Variants in IL15RA observed in about 807,000 individuals in gnomAD.
IL15RA encodes the protein interleukin 15 receptor subunit alpha, also known as interleukin-15 receptor subunit alpha.
Under a neutral mutation model 24.2 loss-of-function variants are expected in IL15RA, and 26 were observed. That is an observed-to-expected ratio of 1.07 (90% CI 0.79 to 1.49). The LOEUF (loss-of-function observed/expected upper bound fraction) is 1.49, where lower values mean the gene tolerates loss of function less well. Ranked by LOEUF, IL15RA falls within the 40% of genes most tolerant of loss-of-function variation. The probability of loss-of-function intolerance (pLI) is 0.00; values close to 1 mark genes in which losing one functional copy is unlikely to be tolerated. For missense variants in IL15RA, 354 were observed against 356.4 expected (o/e 0.99, Z 0.05); for synonymous variants, 166 against 157.6 (o/e 1.05, Z -0.40).
Position 5,971,434 on chromosome 10 carries a change from C to G in IL15RA, c.89-5095G>C, listed in dbSNP as rs1837584430. Among the ~76,000 whole-genome samples, 1 of 152,228 alleles carries G rather than the reference C, an allele frequency of 6.6e-6. No individual in the cohort carries two copies. On this transcript the variant is annotated intron_variant, in intron 1 of 6. Transcript: ENST00000379977. The surrounding 1 kb of genome is among the most constrained non-coding windows in gnomAD (Gnocchi z 5.5). ...CTGTGAATCACACTTCCTTATCTATCAGGTTGGTTTACAGAGTCTAATAAG... is the reference window on the plus strand; with the variant it reads ...CTGTGAATCACACTTCCTTATCTATGAGGTTGGTTTACAGAGTCTAATAAG...
At position 5,952,659 on chromosome 10, in the gene IL15RA, ACGTCTC is replaced by A. The variant is rs1564479804; in HGVS notation, c.*430_*435del. The A allele has an allele frequency of 1.7e-3, 323 of 192,652 alleles. 1 individual carries two copies. The highest frequency in any genetic ancestry group is 7.2e-3 in the African/African-American group (304 of 42,242). 11.9% of individuals were successfully genotyped at this position (192,652 alleles called of 1,614,324 possible). On this transcript the variant is annotated 3_prime_UTR_variant, in exon 7 of 7. Transcript: ENST00000379977. ...CCAAACGCTGGTGTCTTCCCTGTAG[ACGTCTC>A]CCACGCCAGGAGAAGCCTTGTAATT...
At chr10:5,951,988 G>T (rs1350467698), downstream of IL15RA, among the ~76,000 whole-genome samples, 4 of 152,124 alleles carry the variant, frequency 2.6e-5, no homozygotes, top group African/African-American at 9.7e-5. Flanking sequence ...TCCAGCTCTG[G>T]CATTAACCAA....
chr10:5,963,810 C>T lies in IL15RA; in HGVS notation c.315G>A (p.Ala105=), dbSNP rs780860831. Reference sequence around the variant, plus strand: ...CTGCCGTCGTTACTGTGGAGGGTGGCGCTGGCCTTTGGTGAACCAGGGCAG... The same window carrying T: ...CTGCCGTCGTTACTGTGGAGGGTGGTGCTGGCCTTTGGTGAACCAGGGCAG... ...RDPALVHQRP[A]PPSTVTTAGV... is the part of the protein sequence containing the mutation. Residue 105 remains alanine (A), a synonymous_variant, in exon 3 of 7, where the codon GCG becomes GCA. Transcript: ENST00000379977. The surrounding 1 kb of genome is among the most constrained non-coding windows in gnomAD (Gnocchi z 5.3). The T allele has an allele frequency of 4.2e-5, 65 of 1,546,982 alleles. No individual in the cohort carries two copies. Among genetic ancestry groups the T allele is most frequent in the South Asian group, 2.8e-4 (22 of 78,778 alleles).
At position 5,958,082 on chromosome 10, in the gene IL15RA, T is replaced by A. The variant is rs909990721; in HGVS notation, c.617-1628A>T. The A allele has an allele frequency of 5.1e-5, 12 of 234,812 alleles. No homozygotes were observed. Among genetic ancestry groups the A allele is most frequent in the African/African-American group, 2.5e-4 (11 of 44,814 alleles). The allele number at this position is 234,812 out of a possible 1,614,324, so 14.5% of individuals were successfully genotyped here. On this transcript the variant is annotated intron_variant, in intron 5 of 6. Coordinates refer to ENST00000379977, the MANE Select transcript of IL15RA (RefSeq NM_002189.4). The surrounding 1 kb of genome is among the most constrained non-coding windows in gnomAD (Gnocchi z 4.3). ...GGCTGTTTGTAAGATAACAACAGAA[T>A]GTAGCAATCACATGTCCAGATAGGG...
Position 5,961,557 on chromosome 10 carries a change from A to T in IL15RA, c.383-990T>A, listed in dbSNP as rs1835542492. ...GGACGCTCGGAGCGGCTGCGTGTGA[A>T]ACACGGGAAGCCTGGGCTCTGGCCT... On this transcript the variant is annotated intron_variant, in intron 3 of 6. Coordinates refer to ENST00000379977, the MANE Select transcript of IL15RA (RefSeq NM_002189.4). This position sits in a 1 kb window ranked among gnomAD's most constrained non-coding sequence, Gnocchi z 5.2. 6.6e-6 allele frequency among the ~76,000 whole-genome samples: 1 copy of T among 152,224 alleles called. No individual in the cohort carries two copies. The highest frequency in any genetic ancestry group is 2.1e-4 in the South Asian group (1 of 4,834).
rs751682366 is a variant in IL15RA at position 5,960,543 on chromosome 10, G to C, written c.407C>G (p.Ser136Ter). Residue 136 changes from serine (S) to a stop codon, truncating the protein, a stop_gained, in exon 4 of 7, where the codon TCA (serine) becomes TGA (stop). Transcript: ENST00000379977. LOFTEE classifies it high-confidence loss of function. The surrounding 1 kb of genome is among the most constrained non-coding windows in gnomAD (Gnocchi z 5.1). ...GKEPAASSPS[S>*]NNTAATTAAI... ...TGCTGTTGTGGCCGCTGTGTTGTTT[G>C]AGCTGGGAGATGAAGCTGCGGGCTC... 1 of 1,614,030 alleles carries C rather than the reference G, an allele frequency of 6.2e-7. No homozygotes were observed. The highest frequency in any genetic ancestry group is 1.3e-5 in the African/African-American group (1 of 74,930).
chr10:5,953,293 A>G lies in IL15RA; in HGVS notation c.693-87T>C. 1.1e-6 allele frequency: 1 copy of G among 944,928 alleles called. No individual in the cohort carries two copies. The highest frequency in any genetic ancestry group is 1.9e-5 in the Admixed American group (1 of 53,640). The allele number at this position is 944,928 out of a possible 1,614,324, so 58.5% of individuals were successfully genotyped here. On this transcript the variant is annotated intron_variant, in intron 6 of 6. Transcript: ENST00000379977. This position sits in a 1 kb window ranked among gnomAD's most constrained non-coding sequence, Gnocchi z 5.3. ...CGCTTCCCACTGAGCATGTATGTCC[A>G]GCACTGCGGGGATGGCAGGAGCAGA...
In IL15RA at chr10:5,960,133, C is replaced by G. The variant is rs1835249489; in HGVS notation, c.583+234G>C. 6.6e-6 allele frequency among the ~76,000 whole-genome samples: 1 copy of G among 152,208 alleles called. No individual in the cohort carries two copies. Among genetic ancestry groups the G allele is most frequent in the South Asian group, 2.1e-4 (1 of 4,834 alleles). ...TGCCATGCGGGTGATAAGGCTGGCC[C>G]TGTCACATCTTGGGGGGGTGTGGGC... On this transcript the variant is annotated intron_variant, in intron 4 of 6. Transcript: ENST00000379977. This position sits in a 1 kb window ranked among gnomAD's most constrained non-coding sequence, Gnocchi z 5.1.
downstream of IL15RA, among the ~76,000 whole-genome samples, chr10:5,952,102 C>T (rs542456382): frequency 1.3e-5 from 2 of 152,228 alleles, no homozygotes; most frequent in Admixed American, 1.3e-4. Flanking sequence ...ATGTCAAAAA[C>T]AGCAAAGAAA....
rs557714553 is a variant in IL15RA, at chr10:5,964,303, T to A, written c.284-462A>T. ...TCTCCTGAGTAGCTGGGACTACATG[T>A]ACGTGCCTCAATGCCCAGGTAATTT... On this transcript the variant is annotated intron_variant, in intron 2 of 6. Coordinates refer to ENST00000379977, the MANE Select transcript of IL15RA (RefSeq NM_002189.4). This position sits in a 1 kb window ranked among gnomAD's most constrained non-coding sequence, Gnocchi z 5.6. Among the ~76,000 whole-genome samples the A allele has an allele frequency of 1.3e-5, 2 of 152,156 alleles. No individual in the cohort carries two copies. The highest frequency in any genetic ancestry group is 4.8e-5 in the African/African-American group (2 of 41,444).
At position 5,953,248 on chromosome 10, in the gene IL15RA, G is replaced by T; in HGVS notation, c.693-42C>A. On this transcript the variant is annotated intron_variant, in intron 6 of 6. Coordinates refer to ENST00000379977, the MANE Select transcript of IL15RA (RefSeq NM_002189.4). This position sits in a 1 kb window ranked among gnomAD's most constrained non-coding sequence, Gnocchi z 5.3. ...TCATAGGTTTTGAAAAGAGGAGGGGGTTGCCCTCAAATCAACAGACGCTTC... is the reference window on the plus strand; with the variant it reads ...TCATAGGTTTTGAAAAGAGGAGGGGTTTGCCCTCAAATCAACAGACGCTTC... 3 of 1,449,966 alleles carry T rather than the reference G, an allele frequency of 2.1e-6. No homozygotes were observed. The East Asian group carries it at 6.8e-5, about 33-fold the overall frequency. The allele number at this position is 1,449,966 out of a possible 1,614,324, so 89.8% of individuals were successfully genotyped here.
In IL15RA at chr10:5,959,616, C is replaced by T; in HGVS notation, c.616+138G>A. On this transcript the variant is annotated intron_variant, in intron 5 of 6. Transcript: ENST00000379977. This position sits in a 1 kb window ranked among gnomAD's most constrained non-coding sequence, Gnocchi z 4.1. The stretch of plus-strand genomic sequence containing the variant: ...AATCAGCTATTACTTAACTTATTAT[C>T]TGATGGAGGCCTTCTGAGTGTGGAA... The T allele has an allele frequency of 1.4e-6, 1 of 723,926 alleles. No homozygotes were observed. Among genetic ancestry groups the T allele is most frequent in the Non-Finnish European group, 2.5e-6 (1 of 407,370 alleles). 44.8% of individuals were successfully genotyped at this position (723,926 alleles called of 1,614,324 possible).
chr10:5,972,004 C>T (rs1277668822), intron 1 of IL15RA, among the ~76,000 whole-genome samples: 3 of 152,158 alleles, frequency 2.0e-5, no homozygotes, highest in African/African-American at 4.8e-5. Context: ...TTTTAGGACT[C>T]GAGAAGACAT....
Position 5,968,977 on chromosome 10 carries a change from C to T in IL15RA, c.89-2638G>A, listed in dbSNP as rs1239815551. ...GTGTTCCCTGCCCATTTCCAGCAGC[C>T]GTGGACCTCCAGGGCTGTTTGTGTA... is the stretch of plus-strand genomic sequence containing the variant. On this transcript the variant is annotated intron_variant, in intron 1 of 6. Transcript: ENST00000379977. The surrounding 1 kb of genome is among the most constrained non-coding windows in gnomAD (Gnocchi z 5.4). 16 of 1,534,674 alleles carry T rather than the reference C, an allele frequency of 1.0e-5. No homozygotes were observed. Among genetic ancestry groups the T allele is most frequent in the Middle Eastern group, 1.7e-4 (1 of 6,000 alleles).
At position 5,959,743 on chromosome 10, in the gene IL15RA, G is replaced by C. The variant is rs1447316620; in HGVS notation, c.616+11C>G. On this transcript the variant is annotated intron_variant, in intron 5 of 6. Coordinates refer to ENST00000379977, the MANE Select transcript of IL15RA (RefSeq NM_002189.4). The surrounding 1 kb of genome is among the most constrained non-coding windows in gnomAD (Gnocchi z 4.1). ...TGATCATAAACATACCGGACAAAGG[G>C]ACACACTTACCAGTGGTGTCGCTGT... 1 of 1,613,122 alleles carries C rather than the reference G, an allele frequency of 6.2e-7. No homozygotes were observed. Among genetic ancestry groups the C allele is most frequent in the South Asian group, 1.1e-5 (1 of 91,026 alleles).
rs1399018215 is a variant in IL15RA at position 5,964,273 on chromosome 10, C to A, written c.284-432G>T. ...TCCCGGGCTCAAGAGATCCTCCTGC[C>A]TCAGTCTCCTGAGTAGCTGGGACTA... On this transcript the variant is annotated intron_variant, in intron 2 of 6. Transcript: ENST00000379977. The surrounding 1 kb of genome is among the most constrained non-coding windows in gnomAD (Gnocchi z 5.6). Among the ~76,000 whole-genome samples, 1 of 152,114 alleles carries A rather than the reference C, an allele frequency of 6.6e-6. No individual in the cohort carries two copies. Among genetic ancestry groups the A allele is most frequent in the East Asian group, 1.9e-4 (1 of 5,184 alleles).
chr10:5,959,740 A>C lies in IL15RA; in HGVS notation c.616+14T>G. 1 of 1,612,956 alleles carries C rather than the reference A, an allele frequency of 6.2e-7. No homozygotes were observed. Among genetic ancestry groups the C allele is most frequent in the Middle Eastern group, 1.6e-4 (1 of 6,062 alleles). On this transcript the variant is annotated intron_variant, in intron 5 of 6. Coordinates refer to ENST00000379977, the MANE Select transcript of IL15RA (RefSeq NM_002189.4). This position sits in a 1 kb window ranked among gnomAD's most constrained non-coding sequence, Gnocchi z 4.1. ...CCCTGATCATAAACATACCGGACAA[A>C]GGGACACACTTACCAGTGGTGTCGC... is the stretch of plus-strand genomic sequence containing the variant.
At position 5,967,342 on chromosome 10, in the gene IL15RA, C is replaced by T. The variant is rs1005498762; in HGVS notation, c.89-1003G>A. On this transcript the variant is annotated intron_variant, in intron 1 of 6. Coordinates refer to ENST00000379977, the MANE Select transcript of IL15RA (RefSeq NM_002189.4). The surrounding 1 kb of genome is among the most constrained non-coding windows in gnomAD (Gnocchi z 4.4). ...GCCTCAGCCTCCTGAATAGCTGTGA[C>T]TACAGGTGCACACCACCACACCCAG... Among the ~76,000 whole-genome samples, 2 of 152,160 alleles carry T rather than the reference C, an allele frequency of 1.3e-5. No homozygotes were observed. The highest frequency in any genetic ancestry group is 6.6e-5 in the Admixed American group (1 of 15,260).
chr10:5,949,317 A>G (rs1833708120), downstream of IL15RA: 1 of 471,038 alleles, frequency 2.1e-6, no homozygotes, highest in Admixed American at 2.3e-5. This position sits in a 1 kb window ranked among gnomAD's most constrained non-coding sequence, Gnocchi z 4.4. Context: ...GAACAGCACC[A>G]CTAGAATGGG....
Sources: gnomAD v4.1 joint callset for allele counts (sites outside exome capture counted in the v4.1 genomes callset) on GRCh38, gnomAD v4.1.1 for gene constraint, Gnocchi (gnomAD v3.1) non-coding constraint, MANE v1.5 for transcripts, NCBI Gene and HGNC (gene_info 2026-07-23, HGNC 2026-07-21) for gene names.